GALNT1: variants seen among roughly 807,000 people sequenced by gnomAD.
GALNT1 encodes the protein GalNAc transferase 1.
Under a neutral mutation model 65.7 loss-of-function variants are expected in GALNT1, and 17 were observed. That is an observed-to-expected ratio of 0.26 (90% CI 0.18 to 0.39). The LOEUF is 0.39. Ranked by LOEUF, GALNT1 falls within the 10% of genes least tolerant of loss-of-function variation. The pLI is 1.00. For missense variants in GALNT1, 460 were observed against 672.8 expected (o/e 0.68, Z 3.50); for synonymous variants, 210 against 219.7 (o/e 0.96, Z 0.39).
At chr18:35,622,784 G>T (rs961848738) in intron 1 of GALNT1, among the ~76,000 whole-genome samples, 2 of 151,940 alleles carry the variant, frequency 1.3e-5, no homozygotes, top group African/African-American at 4.8e-5. Flanking sequence ...AGAAGTAATA[G>T]AAGACATTTA....
intron 2 of GALNT1, among the ~76,000 whole-genome samples, chr18:35,662,330 T>C (rs934931876): frequency 6.6e-6 from 1 of 152,242 alleles, no homozygotes; most frequent in African/African-American, 2.4e-5. Flanking sequence ...AATTTTCTAC[T>C]ATTTTAATGT....
At chr18:35,597,167 GC>G (rs1395789623) in intron 1 of GALNT1, 1 of 152,206 alleles carries the variant, frequency 6.6e-6, no homozygotes, top group Non-Finnish European at 1.5e-5. Flanking sequence ...AATGTTACTT[GC>G]CCAAGATTTA....
intron 9 of GALNT1, among the ~76,000 whole-genome samples, chr18:35,693,988 G>C (rs541265379): frequency 5.3e-4 from 81 of 152,240 alleles, no homozygotes; most frequent in African/African-American, 1.8e-3. Flanking sequence ...CCTAGAGAGT[G>C]GTGTCGCCAA....
chr18:35,598,147 TG>T lies in GALNT1; in HGVS notation c.-104+16286del, dbSNP rs576946965. Among the ~76,000 whole-genome samples the T allele has an allele frequency of 1.9e-4, 29 of 151,122 alleles. No individual in the cohort carries two copies. In the East Asian group the frequency reaches 5.1e-3, roughly 27 times the overall value. The stretch of plus-strand genomic sequence containing the variant: ...AGCCTCCGGATTCAAGCGATTCTCC[TG>T]CCTTAGCCTCCCAAGTAGCTGGGAT... On this transcript the variant is annotated intron_variant, in intron 1 of 11. Transcript: ENST00000269195.
At chr18:35,633,666 A>G (rs905297971) in intron 1 of GALNT1, among the ~76,000 whole-genome samples, 6 of 152,190 alleles carry the variant, frequency 3.9e-5, no homozygotes, top group African/African-American at 1.4e-4. Context: ...CACATTGTGC[A>G]TGTGTACCCT....
chr18:35,703,638 C>A lies in GALNT1; in HGVS notation c.1528C>A (p.Pro510Thr), dbSNP rs142110831. The A allele has an allele frequency of 1.5e-4, 247 of 1,613,744 alleles. 1 individual carries two copies. Among genetic ancestry groups the A allele is most frequent in the Non-Finnish European group, 2.0e-4 (240 of 1,179,868 alleles). ...LKGNQLWEYD[P>T]VKLTLQHVNS... ...AGGCAACCAACTCTGGGAGTATGACCCAGTGGTAAGTTATGCAGTTGCCTA... is the reference window on the plus strand; with the variant it reads ...AGGCAACCAACTCTGGGAGTATGACACAGTGGTAAGTTATGCAGTTGCCTA... The change falls in exon 11 of 12, where the codon CCA becomes ACA. Residue 510 changes from proline (P) to threonine (T), a missense_variant. Transcript: ENST00000269195.
At chr18:35,669,479 A>G (rs73948112) in intron 3 of GALNT1, among the ~76,000 whole-genome samples, 2,590 of 152,334 alleles carry the variant, frequency 0.017, 41 homozygotes, top group African/African-American at 0.032. Flanking sequence ...AGAATAAATG[A>G]TACATTAAAA....
chr18:35,709,145 G>A (rs1017635942), intron 11 of GALNT1, among the ~76,000 whole-genome samples: 1 of 152,164 alleles, frequency 6.6e-6, no homozygotes, highest in Non-Finnish European at 1.5e-5. Context: ...TTGAGCTTTG[G>A]AATCACAGAA....
chr18:35,584,598 C>G (rs1031137799), intron 1 of GALNT1, among the ~76,000 whole-genome samples: 2 of 152,094 alleles, frequency 1.3e-5, no homozygotes, highest in South Asian at 4.1e-4. Context: ...CTCAGCAGTC[C>G]CAGTCTCTCT....
At chr18:35,599,353 T>C (rs1215300634) in intron 1 of GALNT1, among the ~76,000 whole-genome samples, 1 of 147,950 alleles carries the variant, frequency 6.8e-6, no homozygotes, top group Non-Finnish European at 1.5e-5. Context: ...TAGTTTCAGG[T>C]ATGAGATTTA....
chr18:35,621,682 T>G (rs2046854886), intron 1 of GALNT1, among the ~76,000 whole-genome samples: 1 of 152,260 alleles, frequency 6.6e-6, no homozygotes. Context: ...TTTTGAATAT[T>G]GCTTAAGCAA....
intron 9 of GALNT1, among the ~76,000 whole-genome samples, chr18:35,698,309 A>C (rs961635520): frequency 2.1e-4 from 32 of 151,932 alleles, no homozygotes; most frequent in Non-Finnish European, 2.8e-4. Flanking sequence ...CTCTACTAAA[A>C]ATATGAAAAA....
intron 1 of GALNT1, among the ~76,000 whole-genome samples, chr18:35,632,118 T>C (rs1228131854): frequency 6.6e-6 from 1 of 152,208 alleles, no homozygotes; most frequent in Non-Finnish European, 1.5e-5. Flanking sequence ...AAAATGGCCA[T>C]ACTGCCCAAA....
intron 1 of GALNT1, among the ~76,000 whole-genome samples, chr18:35,621,379 G>T (rs1219199238): frequency 6.8e-6 from 1 of 146,910 alleles, no homozygotes; most frequent in African/African-American, 2.6e-5. Context: ...TTTTTGTAGA[G>T]ATGCGGTCTT....
intron 1 of GALNT1, among the ~76,000 whole-genome samples, chr18:35,583,725 T>G (rs1194218089): frequency 2.0e-5 from 3 of 152,140 alleles, no homozygotes; most frequent in Non-Finnish European, 4.4e-5. Context: ...ACAACAAAAC[T>G]GATTGTTAAT....
At chr18:35,653,522 C>A (rs966382875) in intron 1 of GALNT1, among the ~76,000 whole-genome samples, 4 of 152,210 alleles carry the variant, frequency 2.6e-5, no homozygotes, top group African/African-American at 7.2e-5. Context: ...AGCATAGACA[C>A]AGTGCAGACT....
intron 1 of GALNT1, among the ~76,000 whole-genome samples, chr18:35,619,289 T>C (rs919698150): frequency 1.3e-5 from 2 of 152,210 alleles, no homozygotes; most frequent in African/African-American, 4.8e-5. Context: ...TTATTTGTTC[T>C]GTTGAGCAAA....
intron 2 of GALNT1, among the ~76,000 whole-genome samples, chr18:35,655,324 A>G (rs942222025): frequency 6.6e-6 from 1 of 151,268 alleles, no homozygotes; most frequent in African/African-American, 2.4e-5. Context: ...ATTGGGTGAT[A>G]GAATAGAGGC....
At chr18:35,683,019 T>C (rs1455051580) in intron 4 of GALNT1, among the ~76,000 whole-genome samples, 1 of 151,984 alleles carries the variant, frequency 6.6e-6, no homozygotes, top group Admixed American at 6.6e-5. Context: ...AGCTATTACA[T>C]ATTCTGTGTC....
Sources: gnomAD v4.1 joint callset for allele counts (sites outside exome capture counted in the v4.1 genomes callset) on GRCh38, gnomAD v4.1.1 for gene constraint, MANE v1.5 for transcripts, NCBI Gene and HGNC (gene_info 2026-07-23, HGNC 2026-07-21) for gene names.